The following ASCC3 variants were observed in gnomAD, a reference collection of about 807,000 sequenced individuals.
The protein encoded by ASCC3 is activating signal cointegrator 1 complex subunit 3.
Under a neutral mutation model 256.3 loss-of-function variants are expected in ASCC3, and 158 were observed. The ratio of observed to expected loss-of-function variants is 0.62; its 90% CI spans 0.54 to 0.70. The LOEUF is 0.70. ASCC3 is among the 30% of genes least tolerant of loss of function. ASCC3 has a pLI of 0.00. For missense variants in ASCC3, 2,259 were observed against 2,626.0 expected (o/e 0.86, Z 3.05); for synonymous variants, 948 against 883.4 (o/e 1.07, Z -1.30).
intron 4 of ASCC3, among the ~76,000 whole-genome samples, chr6:100,823,619 A>T (rs915143416): frequency 3.9e-5 from 6 of 152,206 alleles, no homozygotes; most frequent in Non-Finnish European, 7.3e-5. Flanking sequence ...TATTCTTATT[A>T]ATATAAAGCC....
chr6:100,703,411 T>C (rs1778433645), intron 13 of ASCC3, among the ~76,000 whole-genome samples: 1 of 151,970 alleles, frequency 6.6e-6, no homozygotes, highest in South Asian at 2.1e-4. Context: ...AGAGAAAGAA[T>C]AGCTTAATAA....
chr6:100,725,400 T>C (rs529460161), intron 11 of ASCC3, 139 bp downstream of exon 11: 1 of 1,036,960 alleles, frequency 9.6e-7, no homozygotes, highest in African/African-American at 1.6e-5. Context: ...AACAGGTACA[T>C]TCCCCCTTTT....
At chr6:100,585,313 G>T (rs1437631076) in intron 36 of ASCC3, among the ~76,000 whole-genome samples, 1 of 151,784 alleles carries the variant, frequency 6.6e-6, no homozygotes, top group Admixed American at 6.6e-5. Context: ...TTCCCTTCTC[G>T]CTTCATTTCA....
At chr6:100,744,768 A>G (rs1371065827) in intron 10 of ASCC3, among the ~76,000 whole-genome samples, 1 of 152,222 alleles carries the variant, frequency 6.6e-6, no homozygotes, top group African/African-American at 2.4e-5. Flanking sequence ...CCCAAGGAAG[A>G]GTTAAATAAA....
At chr6:100,668,597 A>T (rs1412788609) in intron 14 of ASCC3, among the ~76,000 whole-genome samples, 2 of 152,002 alleles carry the variant, frequency 1.3e-5, no homozygotes, top group Non-Finnish European at 2.9e-5. Context: ...TGGCACTGAT[A>T]TTAAAACCTG....
chr6:100,667,385 T>C (rs960195513), intron 14 of ASCC3, among the ~76,000 whole-genome samples: 4 of 152,026 alleles, frequency 2.6e-5, no homozygotes, highest in Non-Finnish European at 5.9e-5. Flanking sequence ...ATTAAGAAAA[T>C]TAAGCTAGAA....
At chr6:100,530,108 C>A (rs562352086) in intron 37 of ASCC3, among the ~76,000 whole-genome samples, 7 of 152,006 alleles carry the variant, frequency 4.6e-5, no homozygotes, top group Admixed American at 1.3e-4. Flanking sequence ...GCATAGGTTT[C>A]TAGAAATCTT....
chr6:100,838,421 C>G (rs1329783791), intron 4 of ASCC3, among the ~76,000 whole-genome samples: 1 of 151,828 alleles, frequency 6.6e-6, no homozygotes, highest in Non-Finnish European at 1.5e-5. Flanking sequence ...AGTATTCATA[C>G]ATTATAAAAT....
intron 11 of ASCC3, among the ~76,000 whole-genome samples, chr6:100,720,604 T>C (rs1302408106): frequency 1.3e-5 from 2 of 151,820 alleles, no homozygotes; most frequent in African/African-American, 4.8e-5. Flanking sequence ...CTGGAACCTC[T>C]GGTAGCTGAT....
intron 37 of ASCC3, chr6:100,530,372 A>C (rs116448257): frequency 3.2e-6 from 4 of 1,248,596 alleles, no homozygotes; most frequent in Non-Finnish European, 4.7e-6. Flanking sequence ...GTCTATCTCA[A>C]AATGACTGGA....
intron 36 of ASCC3, among the ~76,000 whole-genome samples, chr6:100,555,944 C>T (rs774493024): frequency 2.0e-5 from 3 of 152,154 alleles, no homozygotes; most frequent in Non-Finnish European, 4.4e-5. Flanking sequence ...TACAATGAGC[C>T]GAGATAGAGC....
chr6:100,749,836 G>A (rs1270214320), intron 10 of ASCC3, among the ~76,000 whole-genome samples: 4 of 151,194 alleles, frequency 2.6e-5, no homozygotes. Flanking sequence ...TATATTTCTA[G>A]TACTGATATA....
At chr6:100,692,382 A>G (rs1777884866) in intron 13 of ASCC3, among the ~76,000 whole-genome samples, 1 of 152,100 alleles carries the variant, frequency 6.6e-6, no homozygotes, top group African/African-American at 2.4e-5. Context: ...AAATTTATAA[A>G]TGCTTCACGT....
In ASCC3 at chr6:100,864,178, A is replaced by C; in HGVS notation, c.127T>G (p.Leu43Val). Residue 43 changes from leucine to valine, a missense_variant, in exon 3 of 42, where the codon TTG becomes GTG. This residue lies in a region of ASCC3 where 420 missense variants were observed against 419.3 expected (regional missense o/e 1.00). Transcript: ENST00000369162. The part of the protein sequence containing the change: ...RSKLHEQVLD[L>V]GLTWKKIIKF... ...ATTATCTTCTTCCATGTCAGGCCCA[A>C]ATCTAAAACTTGTTCATGAAGTTTA... is the stretch of plus-strand genomic sequence containing the variant. 3.1e-6 allele frequency: 5 copies of C among 1,606,568 alleles called. No individual in the cohort carries two copies. Among genetic ancestry groups the C allele is most frequent in the Non-Finnish European group, 4.3e-6 (5 of 1,175,140 alleles).
intron 3 of ASCC3, chr6:100,858,287 G>A: frequency 6.2e-6 from 3 of 484,028 alleles, no homozygotes; most frequent in Non-Finnish European, 8.1e-6. Flanking sequence ...AAATGGAAAA[G>A]TTTTTTTTTC....
rs1772846160 is a variant in ASCC3, at chr6:100,605,672, C to T, written c.5073G>A (p.Gly1691=). 4 of 1,613,364 alleles carry T rather than the reference C, an allele frequency of 2.5e-6. No homozygotes were observed. Among genetic ancestry groups the T allele is most frequent in the African/African-American group, 2.7e-5 (2 of 75,000 alleles). Residue 1691 remains glycine (G), a synonymous_variant, in exon 33 of 42, where the codon GGG becomes GGA. Coordinates refer to ENST00000369162, the MANE Select transcript of ASCC3 (RefSeq NM_006828.4). ...TGCCTTGGTCATCGAACTGCGGCCT[C>T]CCAGCACGCCCCATCATCTGGAGGA... ...TDVLQMMGRA[G]RPQFDDQGKA...
chr6:100,533,535 G>C (rs1028058555), intron 37 of ASCC3, among the ~76,000 whole-genome samples: 1 of 152,098 alleles, frequency 6.6e-6, no homozygotes, highest in Non-Finnish European at 1.5e-5. Context: ...GGCAAATCTA[G>C]CCTCTATGAC....
chr6:100,658,822 G>A (rs374265978), intron 16 of ASCC3, among the ~76,000 whole-genome samples: 1 of 151,530 alleles, frequency 6.6e-6, no homozygotes, highest in African/African-American at 2.4e-5. Flanking sequence ...GATGAACTCC[G>A]TATAAAAAAT....
intron 8 of ASCC3, among the ~76,000 whole-genome samples, chr6:100,769,246 G>A (rs1050992491): frequency 6.6e-6 from 1 of 151,986 alleles, no homozygotes; most frequent in Non-Finnish European, 1.5e-5. Context: ...CATGGGGAAA[G>A]GTTGGTCAAT....
Sources: allele counts gnomAD v4.1 joint callset (sites outside exome capture counted in the v4.1 genomes callset), GRCh38; gene constraint gnomAD v4.1.1; regional missense constraint gnomAD v4.1.1; transcripts MANE v1.5; gene names NCBI Gene and HGNC (gene_info 2026-07-23, HGNC 2026-07-21).